SDC3: variants seen among roughly 807,000 people sequenced by gnomAD.
SDC3 encodes syndecan 3, also known as syndecan-3.
SDC3 carries 13 observed loss-of-function variants against 24.4 expected under a neutral mutation model. That is an observed-to-expected ratio of 0.53 (90% CI 0.35 to 0.85). The LOEUF is 0.85. Among genes scored for constraint, SDC3 ranks in the 40% least tolerant of loss-of-function variants. The pLI is 0.01. For synonymous variants in SDC3, 295 were observed against 260.9 expected (o/e 1.13, Z -1.26); for missense variants, 571 against 584.5 (o/e 0.98, Z 0.24).
chr1:30,886,647 T>C (rs1639833404), intron 1 of SDC3, among the ~76,000 whole-genome samples: 1 of 152,144 alleles, frequency 6.6e-6, no homozygotes, highest in African/African-American at 2.4e-5. Flanking sequence ...AAATCCTGTG[T>C]TCAGTGAACT....
chr1:30,908,688 G>A lies in SDC3; in HGVS notation c.-102C>T. 1 of 336,508 alleles carries A rather than the reference G, an allele frequency of 3.0e-6. No individual in the cohort carries two copies. Among genetic ancestry groups the A allele is most frequent in the Non-Finnish European group, 4.2e-6 (1 of 240,002 alleles). The allele number at this position is 336,508 out of a possible 1,614,324, so 20.8% of individuals were successfully genotyped here. The stretch of plus-strand genomic sequence containing the variant: ...TTGGCGGCGGCGCGGCCCGGCGGCT[G>A]GACCGACGCGCTCTAGGCTCGCGGG... On this transcript the variant is annotated 5_prime_UTR_variant, in exon 1 of 5. Transcript: ENST00000339394.
intron 1 of SDC3, among the ~76,000 whole-genome samples, chr1:30,884,746 C>A (rs1403243559): frequency 2.0e-5 from 3 of 152,164 alleles, no homozygotes; most frequent in African/African-American, 7.2e-5. Flanking sequence ...GGTCTAAGGG[C>A]CTTTCTGATT....
intron 1 of SDC3, among the ~76,000 whole-genome samples, chr1:30,903,681 C>T (rs942779885): frequency 6.6e-6 from 1 of 152,150 alleles, no homozygotes; most frequent in East Asian, 1.9e-4. Flanking sequence ...CCCTTCCCAG[C>T]CCCACCCCGC....
chr1:30,892,083 C>A (rs1011700155), intron 1 of SDC3, among the ~76,000 whole-genome samples: 1 of 151,990 alleles, frequency 6.6e-6, no homozygotes, highest in African/African-American at 2.4e-5. Flanking sequence ...ATCCTGCCAG[C>A]CCCTTCTCCA....
rs745905618 is a variant in SDC3 at position 30,877,030 on chromosome 1, G to A, written c.392C>T (p.Ser131Phe). Residue 131 changes from serine (S) to phenylalanine (F), a missense_variant, in exon 3 of 5, where the codon TCT (serine) becomes TTT (phenylalanine). Coordinates refer to ENST00000339394, the MANE Select transcript of SDC3 (RefSeq NM_014654.4). ...PVGTPFEELP[S>F]ERPTLEPATS... The stretch of plus-strand genomic sequence containing the variant: ...GGCTGGCTCCAGGGTGGGGCGCTCA[G>A]AGGGGAGCTCTTCAAATGGTGTGCC... 2 of 1,613,930 alleles carry A rather than the reference G, an allele frequency of 1.2e-6. No homozygotes were observed. The highest frequency in any genetic ancestry group is 2.7e-5 in the African/African-American group (2 of 75,044).
At chr1:30,904,530 A>G (rs943694072) in intron 1 of SDC3, among the ~76,000 whole-genome samples, 4 of 151,660 alleles carry the variant, frequency 2.6e-5, no homozygotes, top group Non-Finnish European at 5.9e-5. Flanking sequence ...AGCACAGCTC[A>G]CCTCGCACCA....
chr1:30,896,293 C>A (rs998017882), intron 1 of SDC3, among the ~76,000 whole-genome samples: 1 of 152,190 alleles, frequency 6.6e-6, no homozygotes, highest in East Asian at 1.9e-4. Flanking sequence ...GGGGAATTAG[C>A]AGCTGCAACA....
intron 1 of SDC3, among the ~76,000 whole-genome samples, chr1:30,903,702 G>A (rs995671209): frequency 6.6e-6 from 1 of 152,140 alleles, no homozygotes; most frequent in African/African-American, 2.4e-5. Flanking sequence ...CAGAAGAGCA[G>A]GCATTTACTA....
chr1:30,874,000 C>T (rs1639586860), intron 4 of SDC3, among the ~76,000 whole-genome samples: 1 of 152,002 alleles, frequency 6.6e-6, no homozygotes, highest in Admixed American at 6.6e-5. Context: ...GGGGGTCAGC[C>T]AGTGTGGCCC....
At chr1:30,899,681 A>T (rs1410302964) in intron 1 of SDC3, among the ~76,000 whole-genome samples, 2 of 152,064 alleles carry the variant, frequency 1.3e-5, no homozygotes, top group African/African-American at 4.8e-5. Flanking sequence ...AAATCCACCC[A>T]CTTCTAATGG....
At chr1:30,905,336 C>A (rs1378435139) in intron 1 of SDC3, among the ~76,000 whole-genome samples, 2 of 80,204 alleles carry the variant, frequency 2.5e-5, no homozygotes, top group East Asian at 4.5e-4. Context: ...CACCCCCATC[C>A]GTACTCTCTC....
chr1:30,907,303 GATGA>G (rs1638536875), intron 1 of SDC3, among the ~76,000 whole-genome samples: 1 of 152,178 alleles, frequency 6.6e-6, no homozygotes, highest in South Asian at 2.1e-4. Flanking sequence ...CTCAAAGGGG[GATGA>G]GGTCCTTCCT....
intron 1 of SDC3, among the ~76,000 whole-genome samples, chr1:30,907,913 G>A (rs1350096883): frequency 6.6e-6 from 1 of 152,176 alleles, no homozygotes; most frequent in African/African-American, 2.4e-5. Context: ...AAGGGGAACC[G>A]ATCCGATTCC....
Position 30,874,319 on chromosome 1 carries a change from C to T in SDC3, c.1140G>A (p.Leu380=). Residue 380 remains leucine (L), a synonymous_variant, in exon 4 of 5, where the codon CTG becomes CTA. Coordinates refer to ENST00000339394, the MANE Select transcript of SDC3 (RefSeq NM_014654.4). The part of the protein sequence containing the change: ...SAAQLPQKSI[L]ERKEVLVAVI... ...CACCTACGAGCACCTCCTTCCGCTC[C>T]AGGATACTCTTCTGAGGCAGCTGAG... is the stretch of plus-strand genomic sequence containing the variant. 3 of 1,611,732 alleles carry T rather than the reference C, an allele frequency of 1.9e-6. No individual in the cohort carries two copies. The highest frequency in any genetic ancestry group is 2.5e-6 in the Non-Finnish European group (3 of 1,179,098).
chr1:30,908,592 C>T lies in SDC3; in HGVS notation c.-6G>A. On this transcript the variant is annotated 5_prime_UTR_variant, in exon 1 of 5. Coordinates refer to ENST00000339394, the MANE Select transcript of SDC3 (RefSeq NM_014654.4). The stretch of plus-strand genomic sequence containing the variant: ...TGCGGCGGCCCCGGCTTCATGGCGG[C>T]GGCGCGGGCGCGGGCGGCGGGCGGC... 1 of 972,294 alleles carries T rather than the reference C, an allele frequency of 1.0e-6. No individual in the cohort carries two copies. The highest frequency in any genetic ancestry group is 1.2e-4 in the East Asian group (1 of 8,382). The allele number at this position is 972,294 out of a possible 1,614,324, so 60.2% of individuals were successfully genotyped here. A position where few individuals can be genotyped will look rare whatever the true frequency, so the allele number is the denominator to read the frequency against.
At chr1:30,878,545 C>A in intron 2 of SDC3, 78 bp downstream of exon 2, 3 of 1,191,898 alleles carry the variant, frequency 2.5e-6, no homozygotes, top group Non-Finnish European at 2.5e-6. Flanking sequence ...AAGCAAGCCC[C>A]CCGTGGGCTT....
At chr1:30,904,203 C>A (rs1012778211) in intron 1 of SDC3, among the ~76,000 whole-genome samples, 1 of 152,068 alleles carries the variant, frequency 6.6e-6, no homozygotes, top group African/African-American at 2.4e-5. Context: ...CCAGCCTTGG[C>A]GATAGAGACT....
intron 1 of SDC3, among the ~76,000 whole-genome samples, chr1:30,893,138 G>A (rs1639930268): frequency 6.6e-6 from 1 of 152,172 alleles, no homozygotes; most frequent in Admixed American, 6.5e-5. Flanking sequence ...AAAAGGGAGG[G>A]AAGTGCTGAG....
chr1:30,882,894 G>A (rs1227334036), intron 1 of SDC3, among the ~76,000 whole-genome samples: 1 of 152,176 alleles, frequency 6.6e-6, no homozygotes, highest in African/African-American at 2.4e-5. Context: ...TTTCTCATCT[G>A]TAAAATGGAG....
Sources: allele counts gnomAD v4.1 joint callset (sites outside exome capture counted in the v4.1 genomes callset), GRCh38; gene constraint gnomAD v4.1.1; transcripts MANE v1.5; gene names NCBI Gene and HGNC (gene_info 2026-07-23, HGNC 2026-07-21).